Variants in NBEA observed in about 807,000 individuals in gnomAD.
NBEA encodes neurobeachin, also known as lysosomal-trafficking regulator 2.
Under a neutral mutation model 343.4 loss-of-function variants are expected in NBEA, and 44 were observed. The ratio of observed to expected loss-of-function variants is 0.13; its 90% confidence interval spans 0.10 to 0.16. The LOEUF (loss-of-function observed/expected upper bound fraction) is 0.16, where lower values mean the gene tolerates loss of function less well. Among genes scored for constraint, NBEA ranks in the 10% least tolerant of loss-of-function variants. The pLI, the probability that NBEA is intolerant of heterozygous loss-of-function variation, is 1.00. For synonymous variants in NBEA, 1,175 were observed against 1,238.7 expected (o/e 0.95, Z 1.08); for missense variants, 2,555 against 3,631.3 (o/e 0.70, Z 7.62).
intron 36 of NBEA, among the ~76,000 whole-genome samples, chr13:35,324,318 A>G (rs1031573136): frequency 1.3e-5 from 2 of 152,220 alleles, no homozygotes; most frequent in African/African-American, 2.4e-5. Flanking sequence ...AGTTACATGG[A>G]CTGATTAGTT....
chr13:35,428,425 A>T (rs1033355305), intron 38 of NBEA, among the ~76,000 whole-genome samples: 13 of 152,234 alleles, frequency 8.5e-5, no homozygotes, highest in African/African-American at 3.1e-4. Context: ...TCCTTCTGTT[A>T]TTCAGTTTGC....
intron 1 of NBEA, among the ~76,000 whole-genome samples, chr13:34,989,091 G>A (rs1173906864): frequency 2.0e-5 from 3 of 150,232 alleles, no homozygotes; most frequent in Non-Finnish European, 4.5e-5. Flanking sequence ...TGTTTTTTAG[G>A]CGTATCTCCC....
At chr13:35,306,440 T>C (rs1411624185) in intron 35 of NBEA, among the ~76,000 whole-genome samples, 1 of 152,126 alleles carries the variant, frequency 6.6e-6, no homozygotes, top group Non-Finnish European at 1.5e-5. Flanking sequence ...TGGTTGTACC[T>C]CATTATCTCT....
intron 36 of NBEA, among the ~76,000 whole-genome samples, chr13:35,341,849 A>G (rs983068319): frequency 2.0e-5 from 3 of 152,090 alleles, no homozygotes; most frequent in Non-Finnish European, 2.9e-5. Flanking sequence ...TAGAGTTACC[A>G]TATAACCCAG....
chr13:35,340,520 T>C (rs531670062), intron 36 of NBEA, among the ~76,000 whole-genome samples: 21 of 152,188 alleles, frequency 1.4e-4, no homozygotes, highest in Admixed American at 2.6e-4. Flanking sequence ...TTTTACAAAA[T>C]GAAACAAGTT....
At chr13:35,102,405 T>G (rs2065688904) in intron 11 of NBEA, among the ~76,000 whole-genome samples, 1 of 151,782 alleles carries the variant, frequency 6.6e-6, no homozygotes, top group African/African-American at 2.4e-5. Flanking sequence ...TTTTGGGTCT[T>G]TCCATTTCCA....
intron 41 of NBEA, among the ~76,000 whole-genome samples, chr13:35,510,317 G>A (rs552176286): frequency 3.9e-5 from 6 of 152,116 alleles, no homozygotes; most frequent in Non-Finnish European, 5.9e-5. Flanking sequence ...TCATACAACC[G>A]CTCTTTCTTC....
intron 49 of NBEA, among the ~76,000 whole-genome samples, chr13:35,638,737 A>G (rs1293586688): frequency 6.6e-6 from 1 of 152,210 alleles, no homozygotes; most frequent in African/African-American, 2.4e-5. Flanking sequence ...GAGTTGACTT[A>G]TACTTATTTT....
chr13:35,163,686 A>G (rs1054851577), intron 23 of NBEA, among the ~76,000 whole-genome samples: 1 of 151,608 alleles, frequency 6.6e-6, no homozygotes, highest in Non-Finnish European at 1.5e-5. Flanking sequence ...TGACATCTAC[A>G]TTGTATGTTT....
intron 10 of NBEA, among the ~76,000 whole-genome samples, chr13:35,076,901 C>T (rs1044615321): frequency 6.6e-6 from 1 of 151,970 alleles, no homozygotes; most frequent in Non-Finnish European, 1.5e-5. Flanking sequence ...TTATGACAGT[C>T]GTGCAGGTAT....
chr13:35,253,104 C>G (rs1022961775), intron 34 of NBEA, among the ~76,000 whole-genome samples: 7 of 152,146 alleles, frequency 4.6e-5, no homozygotes, highest in African/African-American at 1.7e-4. Context: ...TTGAAGGAAA[C>G]AACCATGGGA....
chr13:35,476,821 A>C, intron 41 of NBEA: 2 of 1,015,644 alleles, frequency 2.0e-6, no homozygotes, highest in Non-Finnish European at 2.4e-6. Flanking sequence ...TCATGGATAT[A>C]GGCACACAAA....
Position 35,319,752 on chromosome 13 carries a change from T to G in NBEA, c.5903+10160T>G, listed in dbSNP as rs749729347. On this transcript the variant is annotated intron_variant, in intron 36 of 58. Transcript: ENST00000379939. ...AGTCTCTTTGTAAGTCTCTAAGAAC[T>G]TGCTTTATGAATCTGGGTGCTCCTG... Among the ~76,000 whole-genome samples, 12 of 152,198 alleles carry G rather than the reference T, an allele frequency of 7.9e-5. No homozygotes were observed. In the East Asian group the frequency reaches 2.3e-3, roughly 29 times the overall value.
chr13:34,984,389 G>A (rs1054930193), intron 1 of NBEA, among the ~76,000 whole-genome samples: 27 of 152,126 alleles, frequency 1.8e-4, no homozygotes, highest in Non-Finnish European at 3.7e-4. Context: ...CCTCTGATCT[G>A]TTCCATTGTT....
At chr13:35,481,264 G>A (rs1487962045) in intron 41 of NBEA, among the ~76,000 whole-genome samples, 1 of 151,872 alleles carries the variant, frequency 6.6e-6, no homozygotes, top group Non-Finnish European at 1.5e-5. Context: ...GAAGTTGGGA[G>A]TATACTTGTA....
At chr13:35,358,002 T>G (rs573128251) in intron 38 of NBEA, among the ~76,000 whole-genome samples, 16 of 152,248 alleles carry the variant, frequency 1.1e-4, no homozygotes, top group African/African-American at 3.9e-4. Flanking sequence ...TATGTTGATT[T>G]TATTTGTTTT....
intron 49 of NBEA, among the ~76,000 whole-genome samples, chr13:35,644,769 T>C (rs2153075646): frequency 6.6e-6 from 1 of 152,320 alleles, no homozygotes; most frequent in Middle Eastern, 3.4e-3. Flanking sequence ...TAACCAGAAA[T>C]GGTCTCTTCC....
intron 36 of NBEA, among the ~76,000 whole-genome samples, chr13:35,327,036 A>T (rs956288891): frequency 6.6e-6 from 1 of 152,112 alleles, no homozygotes; most frequent in Non-Finnish European, 1.5e-5. Context: ...AATGTTCAAC[A>T]TCACTAATCA....
chr13:35,031,821 C>A (rs2062232981), intron 1 of NBEA, among the ~76,000 whole-genome samples: 1 of 151,598 alleles, frequency 6.6e-6, no homozygotes, highest in South Asian at 2.1e-4. Context: ...TCAAATAGAA[C>A]CCAGTGTCTG....
Sources: allele counts gnomAD v4.1 joint callset (sites outside exome capture counted in the v4.1 genomes callset), GRCh38; gene constraint gnomAD v4.1.1; transcripts MANE v1.5; gene names NCBI Gene and HGNC (gene_info 2026-07-23, HGNC 2026-07-21).